Variants in VPS35 observed in about 807,000 individuals in gnomAD.
VPS35 encodes vacuolar protein sorting-associated protein 35.
A neutral mutation model predicts 98.1 loss-of-function variants in VPS35; 21 were observed. The observed-to-expected ratio is 0.21, with a 90% CI of 0.15 to 0.31. The LOEUF is 0.31. Among genes scored for constraint, VPS35 ranks in the 10% least tolerant of loss-of-function variants. The probability of loss-of-function intolerance (pLI) is 1.00; values close to 1 mark genes in which losing one functional copy is unlikely to be tolerated. For synonymous variants in VPS35, 268 were observed against 318.2 expected (o/e 0.84, Z 1.68); for missense variants, 554 against 950.8 (o/e 0.58, Z 5.49).
intron 10 of VPS35, among the ~76,000 whole-genome samples, 179 bp downstream of exon 10, chr16:46,674,135 A>G (rs575468961): frequency 2.0e-5 from 3 of 152,322 alleles, no homozygotes; most frequent in Admixed American, 6.5e-5. Context: ...CAATTTCCTT[A>G]ATATAAAAAA....
Position 46,666,818 on chromosome 16 carries a change from TACGTATATACACAC to T in VPS35, c.1647+2098_1647+2111del, listed in dbSNP as rs1442317141. On this transcript the variant is annotated intron_variant, in intron 13 of 16. Coordinates refer to ENST00000299138, the MANE Select transcript of VPS35 (RefSeq NM_018206.6). ...GCGTACATACATATACACACATATATACGTATATACACACACATATATACACAACACAATTTCTT... is the reference window on the plus strand; with the variant it reads ...GCGTACATACATATACACACATATATACATATATACACAACACAATTTCTT... Among the ~76,000 whole-genome samples, 3 of 152,228 alleles carry T rather than the reference TACGTATATACACAC, an allele frequency of 2.0e-5. No individual in the cohort carries two copies. In the East Asian group the frequency reaches 5.8e-4, roughly 29 times the overall value.
At chr16:46,680,650 T>G (rs771816135) in intron 5 of VPS35, 21 bp downstream of exon 5, 12 of 1,611,410 alleles carry the variant, frequency 7.4e-6, no homozygotes, top group Non-Finnish European at 1.0e-5. Flanking sequence ...TGCAACAAAA[T>G]TAAGAAAGAA....
intron 5 of VPS35, 115 bp downstream of exon 5, chr16:46,680,556 T>C (rs1966219350): frequency 2.7e-6 from 3 of 1,125,482 alleles, no homozygotes; most frequent in Admixed American, 2.0e-5. Flanking sequence ...GCTACCTAAA[T>C]GGCTGACTGG....
At chr16:46,686,210 G>C (rs566321256) in intron 1 of VPS35, among the ~76,000 whole-genome samples, 1 of 152,186 alleles carries the variant, frequency 6.6e-6, no homozygotes, top group South Asian at 2.1e-4. Flanking sequence ...GTATGTGCCA[G>C]AATTTCCCTC....
chr16:46,674,193 C>T, intron 10 of VPS35, 121 bp downstream of exon 10: 1 of 1,123,126 alleles, frequency 8.9e-7, no homozygotes, highest in Non-Finnish European at 1.3e-6. Flanking sequence ...CTAAGCATGA[C>T]AATCTTAATG....
At chr16:46,671,617 C>A in intron 12 of VPS35, 88 bp downstream of exon 12, 1 of 1,557,928 alleles carries the variant, frequency 6.4e-7, no homozygotes, top group Non-Finnish European at 8.8e-7. Context: ...CCATCTAAGA[C>A]CAGAAAGTGA....
Position 46,668,932 on chromosome 16 carries a change from C to G in VPS35, c.1645G>C (p.Val549Leu), listed in dbSNP as rs568160306. Residue 549 changes from valine to leucine, a missense_variant and splice_region_variant, in exon 13 of 17, where the codon GTG (valine) becomes CTG (leucine). This residue lies in a region of VPS35 where 254 missense variants were observed against 390.1 expected (regional missense o/e 0.65). Coordinates refer to ENST00000299138, the MANE Select transcript of VPS35 (RefSeq NM_018206.6). ...LAFRYKENSK[V>L]DDKWEKKCQK... ...TAAATACTTAAAAGTAAACTCACCA[C>G]TTTAGAATTCTCTTTATATCGAAAA... is the stretch of plus-strand genomic sequence containing the variant. 6.2e-7 allele frequency: 1 copy of G among 1,614,090 alleles called. No individual in the cohort carries two copies. Among genetic ancestry groups the G allele is most frequent in the East Asian group, 2.2e-5 (1 of 44,874 alleles).
intron 13 of VPS35, among the ~76,000 whole-genome samples, chr16:46,665,177 C>T (rs531223141): frequency 6.6e-6 from 1 of 152,304 alleles, no homozygotes; most frequent in Admixed American, 6.5e-5. Flanking sequence ...TTTTTCATTT[C>T]TCTTTGCCAA....
chr16:46,681,712 A>G (rs1966238077), intron 3 of VPS35: 1 of 592,324 alleles, frequency 1.7e-6, no homozygotes, highest in African/African-American at 1.9e-5. Context: ...AGTAAATACA[A>G]TGGTTACCTG....
rs1271661899 is a variant in VPS35 at position 46,661,287 on chromosome 16, TG to T, written c.2211+430del. Among the ~76,000 whole-genome samples, 3 of 152,176 alleles carry T rather than the reference TG, an allele frequency of 2.0e-5. No individual in the cohort carries two copies. The highest frequency in any genetic ancestry group is 7.2e-5 in the African/African-American group (3 of 41,454). ...TCTTGTTGCCCAGGCAGGAGTGCAA[TG>T]GCACAGTCTTGGCTCACTGCAGCCT... On this transcript the variant is annotated intron_variant, in intron 16 of 16. Transcript: ENST00000299138. This position sits in a 1 kb window ranked among gnomAD's most constrained non-coding sequence, Gnocchi z 4.3.
In VPS35 at chr16:46,680,981, G is replaced by C. The variant is rs945195219; in HGVS notation, c.324-128C>G. On this transcript the variant is annotated intron_variant, in intron 4 of 16. Coordinates refer to ENST00000299138, the MANE Select transcript of VPS35 (RefSeq NM_018206.6). ...CATGTTGTTTTCTCCCGCATGACAA[G>C]GAAAATATCTCATTTAAAATATAAC... 4.5e-6 allele frequency: 4 copies of C among 889,202 alleles called. No individual in the cohort carries two copies. In the African/African-American group the frequency reaches 5.3e-5, roughly 12 times the overall value. The allele number at this position is 889,202 out of a possible 1,614,324, so 55.1% of individuals were successfully genotyped here.
intron 1 of VPS35, among the ~76,000 whole-genome samples, chr16:46,683,929 T>C (rs1567269867): frequency 6.6e-6 from 1 of 152,164 alleles, no homozygotes; most frequent in African/African-American, 2.4e-5. Flanking sequence ...GGTTTCACCA[T>C]GTTAGCCAGG....
intron 13 of VPS35, among the ~76,000 whole-genome samples, chr16:46,666,344 C>T (rs1965989033): frequency 6.6e-6 from 1 of 151,674 alleles, no homozygotes; most frequent in Admixed American, 6.6e-5. Context: ...TCTCGGCTCA[C>T]CACAACCTCT....
intron 1 of VPS35, among the ~76,000 whole-genome samples, chr16:46,686,155 C>T (rs1008378726): frequency 3.9e-5 from 6 of 152,114 alleles, no homozygotes; most frequent in Non-Finnish European, 5.9e-5. Context: ...TTATGTCTCG[C>T]TTATTTCACT....
At chr16:46,676,954 A>C (rs1490498042) in intron 7 of VPS35, among the ~76,000 whole-genome samples, 1 of 152,146 alleles carries the variant, frequency 6.6e-6, no homozygotes, top group Non-Finnish European at 1.5e-5. Context: ...AAAACAAACC[A>C]CATTGATACA....
intron 5 of VPS35, among the ~76,000 whole-genome samples, chr16:46,680,134 C>G (rs190452008): frequency 2.6e-5 from 4 of 152,194 alleles, no homozygotes; most frequent in Admixed American, 6.5e-5. Flanking sequence ...GATAAAAGTA[C>G]AGTAGACTTT....
intron 3 of VPS35, 28 bp downstream of exon 3, chr16:46,682,051 T>G (rs751536536): frequency 7.7e-6 from 12 of 1,558,480 alleles, no homozygotes; most frequent in Non-Finnish European, 1.1e-5. Context: ...ATGGTCCAAA[T>G]GTTTAGTCTT....
chr16:46,662,902 T>C (rs572202909), intron 14 of VPS35, 81 bp downstream of exon 14: 14 of 1,493,066 alleles, frequency 9.4e-6, no homozygotes, highest in Non-Finnish European at 1.2e-5. Context: ...AGTAAATTCA[T>C]GTGCATTACC....
At position 46,661,981 on chromosome 16, in the gene VPS35, C is replaced by G. The variant is rs1332366046; in HGVS notation, c.2068-120G>C. ...TAAAGGGACATAACAAATTTAAATC[C>G]TTTTCATTCTCCTTCTTCTTGTTTT... On this transcript the variant is annotated intron_variant, in intron 15 of 16. Transcript: ENST00000299138. The surrounding 1 kb of genome is among the most constrained non-coding windows in gnomAD (Gnocchi z 4.3). The G allele has an allele frequency of 8.4e-6, 12 of 1,424,124 alleles. No homozygotes were observed. The highest frequency in any genetic ancestry group is 2.5e-5 in the South Asian group (2 of 81,218). 88.2% of individuals were successfully genotyped at this position (1,424,124 alleles called of 1,614,324 possible).
Sources: allele counts gnomAD v4.1 joint callset (sites outside exome capture counted in the v4.1 genomes callset), GRCh38; gene constraint gnomAD v4.1.1; regional missense constraint gnomAD v4.1.1; non-coding constraint Gnocchi (gnomAD v3.1); transcripts MANE v1.5; gene names NCBI Gene and HGNC (gene_info 2026-07-23, HGNC 2026-07-21).